Variants in MTUS2 observed in about 807,000 individuals in gnomAD.
MTUS2 encodes microtubule associated scaffold protein 2, also known as microtubule-associated tumor suppressor candidate 2.
MTUS2 carries 40 observed loss-of-function variants against 114.1 expected under a neutral mutation model. That is an observed-to-expected ratio of 0.35 (90% CI 0.27 to 0.46). The LOEUF (loss-of-function observed/expected upper bound fraction) is 0.46. Among genes scored for constraint, MTUS2 ranks in the 20% least tolerant of loss-of-function variants. MTUS2 has a pLI of 1.00. For synonymous variants in MTUS2, 688 were observed against 672.0 expected, an observed-to-expected ratio of 1.02 and a Z score of -0.37; for missense variants, 1,679 against 1,705.4, an observed-to-expected ratio of 0.98 and a Z score of 0.27.
intron 15 of MTUS2, among the ~76,000 whole-genome samples, chr13:29,502,486 C>T (rs1178412079): frequency 1.3e-5 from 2 of 152,242 alleles, no homozygotes; most frequent in Non-Finnish European, 2.9e-5. Context: ...ACCCCTAGAG[C>T]AGCATTTCCA....
intron 5 of MTUS2, among the ~76,000 whole-genome samples, chr13:29,271,532 C>G (rs909315628): frequency 6.6e-6 from 1 of 152,134 alleles, no homozygotes; most frequent in Non-Finnish European, 1.5e-5. Flanking sequence ...TTCGCATATC[C>G]CCTTGGGCTG....
intron 5 of MTUS2, among the ~76,000 whole-genome samples, chr13:29,227,764 T>C (rs1896169036): frequency 6.6e-6 from 1 of 152,232 alleles, no homozygotes. Flanking sequence ...GTGCTACTCC[T>C]AGAAGTTACA....
chr13:29,376,706 A>C (rs1014263299), intron 8 of MTUS2, among the ~76,000 whole-genome samples: 1 of 152,174 alleles, frequency 6.6e-6, no homozygotes, highest in Non-Finnish European at 1.5e-5. Context: ...GCTTTCTCAC[A>C]ACAGCAGAGT....
intron 6 of MTUS2, chr13:29,306,957 C>T (rs1474715743): frequency 9.2e-6 from 5 of 546,382 alleles, no homozygotes; most frequent in Non-Finnish European, 1.8e-5. Context: ...ATGGCACTGT[C>T]AAGGCTGAGA....
intron 7 of MTUS2, among the ~76,000 whole-genome samples, chr13:29,330,560 G>T (rs1429884501): frequency 1.3e-5 from 2 of 152,046 alleles, no homozygotes; most frequent in Admixed American, 1.3e-4. Context: ...GGTTTTTGTG[G>T]GTTTAGGTCT....
chr13:29,300,514 C>G (rs549037781), intron 6 of MTUS2, among the ~76,000 whole-genome samples: 111 of 152,216 alleles, frequency 7.3e-4, no homozygotes, highest in African/African-American at 2.5e-3. Context: ...TAAATGCATT[C>G]TTATGCAAAT....
chr13:29,123,976 AT>A (rs1475252287), intron 5 of MTUS2, among the ~76,000 whole-genome samples: 6 of 152,206 alleles, frequency 3.9e-5, no homozygotes, highest in Non-Finnish European at 8.8e-5. Context: ...TCAACACACC[AT>A]TGCCAAATAT....
rs1271930807 is a variant in MTUS2, at chr13:29,167,008, C to T, written c.2644+66038C>T. 2.0e-5 allele frequency among the ~76,000 whole-genome samples: 3 copies of T among 152,166 alleles called. No individual in the cohort carries two copies. In the East Asian group the frequency reaches 5.8e-4, roughly 29 times the overall value. ...AAGCCATGTGTTTTACTTAGTGTCA[C>T]AAATAAGTTCTTGTGTTCTTAAGAT... On this transcript the variant is annotated intron_variant, in intron 5 of 15. Coordinates refer to ENST00000612955, the MANE Select transcript of MTUS2 (RefSeq NM_001033602.4).
chr13:29,035,593 T>A (rs1219699826), intron 4 of MTUS2, among the ~76,000 whole-genome samples: 1 of 152,222 alleles, frequency 6.6e-6, no homozygotes, highest in Non-Finnish European at 1.5e-5. Context: ...TCTCTTCTTT[T>A]CTTTCTGCTG....
chr13:28,982,394 G>A (rs956197839), intron 2 of MTUS2, among the ~76,000 whole-genome samples: 10 of 152,002 alleles, frequency 6.6e-5, no homozygotes, highest in East Asian at 5.8e-4. Flanking sequence ...GTGGAGAAAT[G>A]GAAACAGTTG....
At chr13:29,361,815 C>G (rs1002231210) in intron 8 of MTUS2, among the ~76,000 whole-genome samples, 2 of 152,204 alleles carry the variant, frequency 1.3e-5, no homozygotes, top group Non-Finnish European at 2.9e-5. Context: ...TCTCTTTGTT[C>G]TACCAGTTAG....
intron 2 of MTUS2, among the ~76,000 whole-genome samples, chr13:28,943,734 G>A (rs1882367451): frequency 2.0e-5 from 3 of 152,148 alleles, no homozygotes. Flanking sequence ...GCTGGAGATT[G>A]TAAGCAGTTC....
chr13:29,140,671 CAGT>C, intron 5 of MTUS2, among the ~76,000 whole-genome samples: 1 of 152,266 alleles, frequency 6.6e-6, no homozygotes, highest in African/African-American at 2.4e-5. Context: ...CTGCCTGCCC[CAGT>C]TCTCTGGTAG....
chr13:29,120,061 A>C (rs1371862177), intron 5 of MTUS2, among the ~76,000 whole-genome samples: 4 of 152,206 alleles, frequency 2.6e-5, no homozygotes, highest in African/African-American at 9.6e-5. Flanking sequence ...ATTTTTTGCC[A>C]TTACAATTGA....
At chr13:29,285,533 A>T (rs2139556390) in intron 6 of MTUS2, among the ~76,000 whole-genome samples, 1 of 152,342 alleles carries the variant, frequency 6.6e-6, no homozygotes, top group Admixed American at 6.5e-5. Context: ...TTTGGGGGAA[A>T]AATGGATTTG....
At chr13:29,403,167 T>A (rs1874480251) in intron 8 of MTUS2, among the ~76,000 whole-genome samples, 1 of 152,198 alleles carries the variant, frequency 6.6e-6, no homozygotes, top group Admixed American at 6.5e-5. Context: ...GTATAGTATC[T>A]TCCCTTTGCC....
chr13:28,990,115 T>C (rs1884765442), intron 2 of MTUS2, among the ~76,000 whole-genome samples: 1 of 152,154 alleles, frequency 6.6e-6, no homozygotes, highest in South Asian at 2.1e-4. Context: ...TCATTCAACA[T>C]GTATCTATGA....
chr13:29,478,316 G>A (rs1268025455), intron 9 of MTUS2, among the ~76,000 whole-genome samples: 1 of 152,176 alleles, frequency 6.6e-6, no homozygotes, highest in Non-Finnish European at 1.5e-5. Flanking sequence ...ATGACAGTGC[G>A]GTGGTTAAGT....
intron 5 of MTUS2, among the ~76,000 whole-genome samples, chr13:29,122,526 C>T (rs1891353475): frequency 6.6e-6 from 1 of 152,100 alleles, no homozygotes; most frequent in African/African-American, 2.4e-5. Context: ...TAACCATCCC[C>T]ATGATTCAGT....
Sources: allele counts gnomAD v4.1 joint callset (sites outside exome capture counted in the v4.1 genomes callset), GRCh38; gene constraint gnomAD v4.1.1; transcripts MANE v1.5; gene names NCBI Gene and HGNC (gene_info 2026-07-23, HGNC 2026-07-21).